Variants in INTS4 observed in about 807,000 individuals in gnomAD.
INTS4 encodes the protein MSTP093.
A neutral mutation model predicts 119.5 loss-of-function variants in INTS4; 70 were observed. That is an observed-to-expected ratio of 0.59 (90% CI 0.48 to 0.71). The LOEUF is 0.71. Ranked by LOEUF, INTS4 falls within the 30% of genes least tolerant of loss-of-function variation. The probability of loss-of-function intolerance (pLI) is 0.00; values close to 1 mark genes in which losing one functional copy is unlikely to be tolerated. For missense variants in INTS4, 867 were observed against 1,173.2 expected (o/e 0.74, Z 3.81); for synonymous variants, 316 against 419.6 (o/e 0.75, Z 3.02).
In INTS4 at chr11:77,897,650, G is replaced by A. The variant is rs906584526; in HGVS notation, c.2229-3301C>T. Among the ~76,000 whole-genome samples the A allele has an allele frequency of 2.2e-4, 33 of 148,340 alleles. 1 individual carries two copies. Among genetic ancestry groups the A allele is most frequent in the African/African-American group, 8.1e-4 (32 of 39,652 alleles). On this transcript the variant is annotated intron_variant, in intron 18 of 22. Coordinates refer to ENST00000534064, the MANE Select transcript of INTS4 (RefSeq NM_033547.4). ...CGAGTAGCTGGGATTACAGGCACCT[G>A]CCACCACGCCCGGCTAATTTTTTTT...
intron 15 of INTS4, among the ~76,000 whole-genome samples, chr11:77,913,980 C>T (rs1271718355): frequency 3.9e-5 from 6 of 152,148 alleles, no homozygotes; most frequent in Non-Finnish European, 8.8e-5. Context: ...TACAGGAATC[C>T]CCTGTAAATC....
At chr11:77,958,636 C>T (rs1954388758) in intron 7 of INTS4, 110 bp downstream of exon 7, 1 of 695,336 alleles carries the variant, frequency 1.4e-6, no homozygotes, top group African/African-American at 1.8e-5. Context: ...TCCCCATTGC[C>T]TTCCAAAAAT....
At chr11:77,908,337 T>C (rs1953011538) in intron 15 of INTS4, among the ~76,000 whole-genome samples, 1 of 151,976 alleles carries the variant, frequency 6.6e-6, no homozygotes. Context: ...CATCTTTTTT[T>C]TTTTTTTTTG....
chr11:77,924,161 G>A (rs1392496320), intron 12 of INTS4, among the ~76,000 whole-genome samples: 1 of 151,058 alleles, frequency 6.6e-6, no homozygotes, highest in African/African-American at 2.4e-5. Context: ...TTGGGAGGCC[G>A]GGGCAGGGGG....
chr11:77,989,426 A>T (rs1343712089), intron 2 of INTS4, among the ~76,000 whole-genome samples: 1 of 151,932 alleles, frequency 6.6e-6, no homozygotes, highest in Non-Finnish European at 1.5e-5. Flanking sequence ...GTGCTATTAC[A>T]CTCCAGCCTG....
At chr11:77,990,700 A>G (rs1856645804) in intron 2 of INTS4, among the ~76,000 whole-genome samples, 1 of 151,846 alleles carries the variant, frequency 6.6e-6, no homozygotes, top group South Asian at 2.1e-4. Context: ...AAAAAAAAAA[A>G]AAAAATGTAT....
chr11:77,953,451 A>T (rs1954243069), intron 8 of INTS4, among the ~76,000 whole-genome samples: 1 of 152,226 alleles, frequency 6.6e-6, no homozygotes, highest in African/African-American at 2.4e-5. Context: ...AATATGAGAG[A>T]TATTAGAACC....
rs538576766 is a variant in INTS4 at position 77,979,858 on chromosome 11, A to T, written c.365-756T>A. Among the ~76,000 whole-genome samples, 20 of 151,496 alleles carry T rather than the reference A, an allele frequency of 1.3e-4. No individual in the cohort carries two copies. The South Asian group carries it at 4.0e-3, about 30-fold the overall frequency. On this transcript the variant is annotated intron_variant, in intron 3 of 22. Transcript: ENST00000534064. The stretch of plus-strand genomic sequence containing the variant: ...CCAGGCATGGTGGCACGTGCCTGTA[A>T]TCCCAGCTACTCAGGAGGCTGAGGC...
At chr11:77,947,218 G>A (rs1278121806) in intron 8 of INTS4, among the ~76,000 whole-genome samples, 1 of 152,080 alleles carries the variant, frequency 6.6e-6, no homozygotes, top group Non-Finnish European at 1.5e-5. Flanking sequence ...AAGAGAAAGA[G>A]AAAGGCACAG....
chr11:77,901,426 T>C lies in INTS4; in HGVS notation c.2223A>G (p.Thr741=). ...TGGCCAACCCCACATCTTACCCTCG[T>C]GTAGTTCGTGCTGTTACTATAAGTT... ...ALQLIVTART[T]RGLDPLFGMC... Residue 741 remains threonine, a synonymous_variant, in exon 18 of 23, where the codon ACA becomes ACG. Coordinates refer to ENST00000534064, the MANE Select transcript of INTS4 (RefSeq NM_033547.4). 10 of 1,613,970 alleles carry C rather than the reference T, an allele frequency of 6.2e-6. No homozygotes were observed. Among genetic ancestry groups the C allele is most frequent in the Non-Finnish European group, 8.5e-6 (10 of 1,179,844 alleles).
At chr11:77,953,897 T>C (rs138356458) in intron 8 of INTS4, among the ~76,000 whole-genome samples, 54 of 151,008 alleles carry the variant, frequency 3.6e-4, no homozygotes, top group African/African-American at 1.3e-3. Flanking sequence ...CCGGGTAACC[T>C]CTGCCTCCCG....
Position 77,961,143 on chromosome 11 carries a change from TAAAAAAAA to T in INTS4, c.472-13_472-6del, listed in dbSNP as rs11370501. The T allele has an allele frequency of 4.2e-4, 516 of 1,216,674 alleles. 4 individuals carry two copies. The South Asian group carries it at 6.7e-3, about 16-fold the overall frequency. The allele number at this position is 1,216,674 out of a possible 1,614,324, so 75.4% of individuals were successfully genotyped here. On this transcript the variant is annotated splice_region_variant and splice_polypyrimidine_tract_variant and intron_variant, in intron 4 of 22. Coordinates refer to ENST00000534064, the MANE Select transcript of INTS4 (RefSeq NM_033547.4). Reference sequence around the variant, plus strand: ...ATGAGACGTATCTGTCAGATGCTATTAAAAAAAAAAAAAAAAAGAAAAAAAGAAAAAGA... The same window carrying T: ...ATGAGACGTATCTGTCAGATGCTATTAAAAAAAAAGAAAAAAAGAAAAAGA...
rs200604747 is a variant in INTS4, at chr11:77,979,042, G to A, written c.425C>T (p.Pro142Leu). Residue 142 changes from proline (P) to leucine (L), a missense_variant, in exon 4 of 23, where the codon CCA becomes CTA. By Grantham distance (98) the Pro-to-Leu change is moderately conservative. This residue lies in a region of INTS4 where 224 missense variants were observed against 231.8 expected (regional missense o/e 0.97). Transcript: ENST00000534064. ...TCGCATTTGGATAGCTTGATTCTCTGGTAGCTTAGTGCCAATTGCAAGCAA... is the reference window on the plus strand; with the variant it reads ...TCGCATTTGGATAGCTTGATTCTCTAGTAGCTTAGTGCCAATTGCAAGCAA... Reference protein sequence around the residue: ...DTLLAIGTKLPENQAIQMRLV... With the variant: ...DTLLAIGTKLLENQAIQMRLV... 1,170 of 1,612,946 alleles carry A rather than the reference G, an allele frequency of 7.3e-4. 25 individuals carry two copies. The South Asian group carries it at 0.012, about 17-fold the overall frequency.
intron 12 of INTS4, among the ~76,000 whole-genome samples, chr11:77,924,130 C>T (rs867910331): frequency 3.3e-4 from 50 of 150,750 alleles, no homozygotes; most frequent in African/African-American, 1.2e-3. Context: ...CACAGTGGCT[C>T]ATGCCTGTAA....
downstream of INTS4, chr11:77,877,059 C>G: frequency 1.4e-6 from 1 of 702,718 alleles, no homozygotes; most frequent in African/African-American, 1.7e-5. Flanking sequence ...GGTAAGCACA[C>G]TAGAAAAGTC....
chr11:77,881,864 G>C (rs1295351286), intron 22 of INTS4, among the ~76,000 whole-genome samples: 1 of 151,742 alleles, frequency 6.6e-6, no homozygotes, highest in African/African-American at 2.4e-5. Flanking sequence ...ATAGTGACTG[G>C]GTAGCGACCA....
Position 77,994,630 on chromosome 11 carries a change from AGGTGC to A in INTS4, c.9_13del (p.His4Ter). The A allele has an allele frequency of 6.2e-7, 1 of 1,614,174 alleles. No homozygotes were observed. The highest frequency in any genetic ancestry group is 1.3e-5 in the African/African-American group (1 of 75,058). ...GAATTCCTCATAAACCCGCTTCTTA[AGGTGC>A]GCCGCCATGCCTACCCGCGGGCCCT... On this transcript the variant is annotated frameshift_variant, in exon 1 of 23. Coordinates refer to ENST00000534064, the MANE Select transcript of INTS4 (RefSeq NM_033547.4). LOFTEE classifies it high-confidence loss of function.
chr11:77,942,310 G>C (rs597346), intron 8 of INTS4, among the ~76,000 whole-genome samples: 2 of 151,932 alleles, frequency 1.3e-5, no homozygotes. Context: ...AGAGGTATAC[G>C]TGGAGAAATG....
chr11:77,993,975 AG>A (rs5792786), intron 1 of INTS4, among the ~76,000 whole-genome samples: 21,561 of 152,070 alleles, frequency 0.14, 1,729 homozygotes, highest in East Asian at 0.23. Flanking sequence ...GACTCCCGAC[AG>A]GGACTCTGCC....
Sources: gnomAD v4.1 joint callset for allele counts (sites outside exome capture counted in the v4.1 genomes callset) on GRCh38, gnomAD v4.1.1 for gene constraint, gnomAD v4.1.1 regional missense constraint, MANE v1.5 for transcripts, NCBI Gene and HGNC (gene_info 2026-07-23, HGNC 2026-07-21) for gene names.